The following PZP variants were observed in gnomAD, a reference collection of about 807,000 sequenced individuals.
PZP encodes the protein PZP alpha-2-macroglobulin like, also known as pregnancy zone protein.
In PZP, 150 loss-of-function variants were observed where a neutral mutation model predicts 179.8. That is an observed-to-expected ratio of 0.83 (90% CI 0.73 to 0.96). The LOEUF (loss-of-function observed/expected upper bound fraction) is 0.96. Ranked by LOEUF, PZP falls within the 40% of genes least tolerant of loss-of-function variation. The probability of loss-of-function intolerance (pLI) is 0.00; values close to 1 mark genes in which losing one functional copy is unlikely to be tolerated. For synonymous variants in PZP, 624 were observed against 652.3 expected, an observed-to-expected ratio of 0.96 and a Z score of 0.66; for missense variants, 1,689 against 1,764.0, an observed-to-expected ratio of 0.96 and a Z score of 0.76.
intron 15 of PZP, among the ~76,000 whole-genome samples, chr12:9,180,123 C>CTTAT (rs773265890): frequency 4.6e-4 from 70 of 152,122 alleles, no homozygotes; most frequent in Middle Eastern, 3.4e-3. Context: ...TCAATAGAGG[C>CTTAT]TTATTTATTT....
downstream of PZP, among the ~76,000 whole-genome samples, chr12:9,144,533 A>C (rs1939903907): frequency 6.6e-6 from 1 of 151,888 alleles, no homozygotes; most frequent in Admixed American, 6.6e-5. Flanking sequence ...GAGTTAAAGA[A>C]AGAGGAAAGA....
chr12:9,171,876 T>C (rs1942028268), intron 15 of PZP, among the ~76,000 whole-genome samples: 1 of 152,132 alleles, frequency 6.6e-6, no homozygotes, highest in South Asian at 2.1e-4. Flanking sequence ...TTGGGATCCT[T>C]GAAAGAGACA....
At chr12:9,189,979 G>A (rs1943362205) in intron 13 of PZP, among the ~76,000 whole-genome samples, 1 of 151,906 alleles carries the variant, frequency 6.6e-6, no homozygotes, top group Admixed American at 6.5e-5. Context: ...CTATTATTAA[G>A]AGTCAAAAAA....
At chr12:9,146,077 G>A (rs549573154), downstream of PZP, among the ~76,000 whole-genome samples, 2 of 152,072 alleles carry the variant, frequency 1.3e-5, no homozygotes, top group Non-Finnish European at 2.9e-5. Flanking sequence ...TTCAGGTTGA[G>A]AAGGTTTTAG....
intron 10 of PZP, among the ~76,000 whole-genome samples, chr12:9,194,803 A>T (rs1343847170): frequency 2.6e-5 from 4 of 152,134 alleles, no homozygotes; most frequent in African/African-American, 9.7e-5. Context: ...CTTGCCACTT[A>T]ATATGCACTT....
chr12:9,181,803 A>G (rs913132352), intron 14 of PZP, among the ~76,000 whole-genome samples, 172 bp downstream of exon 14: 1 of 152,210 alleles, frequency 6.6e-6, no homozygotes. Flanking sequence ...GCTTTGTGTA[A>G]TTGAAAAAGT....
intron 11 of PZP, among the ~76,000 whole-genome samples, chr12:9,193,714 A>C (rs1427334013): frequency 6.6e-6 from 1 of 152,208 alleles, no homozygotes; most frequent in Non-Finnish European, 1.5e-5. Context: ...GACAGTGTAT[A>C]TTAAGTGTGT....
rs116541185 is a variant in PZP, at chr12:9,204,063, A to G, written c.84-112T>C. On this transcript the variant is annotated intron_variant, in intron 1 of 35. Transcript: ENST00000261336. The stretch of plus-strand genomic sequence containing the variant: ...TAATTGGTGCAATCAGTTTTATTCT[A>G]AAAGTCAATGGACTAAGTCAATGGA... 455 of 1,097,498 alleles carry G rather than the reference A, an allele frequency of 4.1e-4. 3 individuals are homozygous for G. The African/African-American group carries it at 6.4e-3, about 16-fold the overall frequency. The allele number at this position is 1,097,498 out of a possible 1,614,324, so 68.0% of individuals were successfully genotyped here. A position where few individuals can be genotyped will look rare whatever the true frequency, so the allele number is the denominator to read the frequency against.
chr12:9,200,868 T>C (rs1185340344), intron 6 of PZP, 24 bp downstream of exon 6: 1 of 1,590,228 alleles, frequency 6.3e-7, no homozygotes, highest in African/African-American at 1.4e-5. Context: ...ATGTTATGCC[T>C]TTTTCATCTT....
intron 15 of PZP, among the ~76,000 whole-genome samples, chr12:9,179,416 A>G (rs1013975775): frequency 6.6e-6 from 1 of 152,224 alleles, no homozygotes; most frequent in South Asian, 2.1e-4. Context: ...AATAAAATAA[A>G]TAAATCATCA....
At chr12:9,163,981 T>G in intron 20 of PZP, 152 bp downstream of exon 20, 1 of 1,212,510 alleles carries the variant, frequency 8.2e-7, no homozygotes, top group Non-Finnish European at 1.1e-6. Context: ...GTGAGAACAG[T>G]GGGAGGAGGT....
chr12:9,191,403 A>C (rs148975688), intron 13 of PZP, among the ~76,000 whole-genome samples: 1 of 152,086 alleles, frequency 6.6e-6, no homozygotes, highest in Non-Finnish European at 1.5e-5. Flanking sequence ...TGTTTAATTA[A>C]AATAATTATT....
At position 9,169,590 on chromosome 12, in the gene PZP, AC is replaced by A; in HGVS notation, c.1840del (p.Val614TyrfsTer5). ...KPEAELSVSS[V>X]YNLLTVKDLT... ...ATCCTTCACAGTTAGCAGATTATATACCTGTAGCAGTGGGGGGATCAAAGGC... is the reference window on the plus strand; with the variant it reads ...ATCCTTCACAGTTAGCAGATTATATACTGTAGCAGTGGGGGGATCAAAGGC... On this transcript the variant is annotated frameshift_variant and splice_region_variant, in exon 16 of 36. Coordinates refer to ENST00000261336, the MANE Select transcript of PZP (RefSeq NM_002864.3). LOFTEE classifies it high-confidence loss of function. The A allele has an allele frequency of 6.2e-7, 1 of 1,603,526 alleles. No individual in the cohort carries two copies. Among genetic ancestry groups the A allele is most frequent in the Admixed American group, 1.7e-5 (1 of 57,526 alleles).
At chr12:9,175,795 A>G (rs1345437792) in intron 15 of PZP, among the ~76,000 whole-genome samples, 2 of 152,208 alleles carry the variant, frequency 1.3e-5, no homozygotes, top group Non-Finnish European at 2.9e-5. Flanking sequence ...GCTGTTAAAA[A>G]GTCAAAAAAC....
chr12:9,140,447 C>G, the PZP span, among the ~76,000 whole-genome samples: 1 of 152,152 alleles, frequency 6.6e-6, no homozygotes, highest in Non-Finnish European at 1.5e-5. Flanking sequence ...GAGGCAGAGG[C>G]ACATGTTTGG....
intron 15 of PZP, among the ~76,000 whole-genome samples, chr12:9,178,726 A>T (rs1447042509): frequency 1.3e-5 from 2 of 152,194 alleles, no homozygotes; most frequent in African/African-American, 4.8e-5. Context: ...GGAAGACAGG[A>T]ACAGAAATGT....
intron 15 of PZP, among the ~76,000 whole-genome samples, chr12:9,174,845 A>G (rs118000679): frequency 0.046 from 6,971 of 152,334 alleles, 263 homozygotes; most frequent in Admixed American, 0.11. Flanking sequence ...TTCCATCCTC[A>G]CGCATAAGAA....
In PZP at chr12:9,180,963, C is replaced by T; in HGVS notation, c.1839+20G>A. 1 of 1,607,284 alleles carries T rather than the reference C, an allele frequency of 6.2e-7. No homozygotes were observed. The highest frequency in any genetic ancestry group is 8.5e-7 in the Non-Finnish European group (1 of 1,177,654). On this transcript the variant is annotated intron_variant, in intron 15 of 35. Transcript: ENST00000261336. ...CTCTGGAATGGCCCTTCCTGGTCCCCAAGGCCACTGGAAACTCACTGAGGA... is the reference window on the plus strand; with the variant it reads ...CTCTGGAATGGCCCTTCCTGGTCCCTAAGGCCACTGGAAACTCACTGAGGA...
chr12:9,196,750 A>G, intron 8 of PZP, 65 bp from the exon 9 acceptor site: 1 of 1,380,296 alleles, frequency 7.2e-7, no homozygotes, highest in African/African-American at 1.4e-5. Context: ...TGAATCTACT[A>G]TTCTGTCTCT....
Sources: allele counts gnomAD v4.1 joint callset (sites outside exome capture counted in the v4.1 genomes callset), GRCh38; gene constraint gnomAD v4.1.1; transcripts MANE v1.5; gene names NCBI Gene and HGNC (gene_info 2026-07-23, HGNC 2026-07-21).